The following BLNK variants were observed in gnomAD, a reference collection of about 807,000 sequenced individuals.
BLNK encodes B cell linker.
BLNK carries 29 observed loss-of-function variants against 73.5 expected under a neutral mutation model. That is an observed-to-expected ratio of 0.39 (90% confidence interval 0.29 to 0.54). BLNK has a LOEUF of 0.54. BLNK is among the 20% of genes least tolerant of loss of function. The pLI is 0.61. For missense variants in BLNK, 460 were observed against 562.8 expected, an observed-to-expected ratio of 0.82 and a Z score of 1.85; for synonymous variants, 176 against 200.8, an observed-to-expected ratio of 0.88 and a Z score of 1.04.
At chr10:96,193,692 G>T (rs1047347426) in intron 16 of BLNK, among the ~76,000 whole-genome samples, 1 of 152,092 alleles carries the variant, frequency 6.6e-6, no homozygotes, top group Non-Finnish European at 1.5e-5. Context: ...GAAAAACAAC[G>T]TATTGGCCAC....
At chr10:96,214,586 GGAGGCTCTACGCATT>G (rs1554899432) in intron 8 of BLNK, among the ~76,000 whole-genome samples, 1 of 152,156 alleles carries the variant, frequency 6.6e-6, no homozygotes, top group Non-Finnish European at 1.5e-5. Context: ...CATGTGGCCT[GGAGGCTCTACGCATT>G]GAGAAACAGG....
chr10:96,260,264 C>T (rs942401714), intron 1 of BLNK, among the ~76,000 whole-genome samples: 2 of 152,164 alleles, frequency 1.3e-5, no homozygotes, highest in Non-Finnish European at 2.9e-5. Flanking sequence ...GTCATTTAGT[C>T]CCTTCACTGT....
chr10:96,237,486 T>C (rs1842735525), intron 3 of BLNK, among the ~76,000 whole-genome samples: 1 of 152,060 alleles, frequency 6.6e-6, no homozygotes, highest in Non-Finnish European at 1.5e-5. Flanking sequence ...GCCCTGGACA[T>C]CAGAGCCCAA....
At position 96,189,764 on chromosome 10, in the gene BLNK, T is replaced by G. The variant is rs1384107948; in HGVS notation, c.*2209A>C. ...TCAGCAGCAAGTTTTACTTTTATTC[T>G]CTGGAATCTTGCTACCACCTCCAGG... On this transcript the variant is annotated 3_prime_UTR_variant, in exon 17 of 17. Coordinates refer to ENST00000224337, the MANE Select transcript of BLNK (RefSeq NM_013314.4). 1.8e-5 allele frequency: 14 copies of G among 784,290 alleles called. No homozygotes were observed. Among genetic ancestry groups the G allele is most frequent in the Non-Finnish European group, 2.9e-5 (13 of 445,418 alleles). 48.6% of individuals were successfully genotyped at this position (784,290 alleles called of 1,614,324 possible).
At chr10:96,236,572 A>G (rs1261105257) in intron 3 of BLNK, among the ~76,000 whole-genome samples, 5 of 152,182 alleles carry the variant, frequency 3.3e-5, no homozygotes, top group Non-Finnish European at 5.9e-5. Flanking sequence ...CTGTAATCCC[A>G]GCACTTTGGG....
At chr10:96,212,730 C>A (rs2083977634) in intron 8 of BLNK, among the ~76,000 whole-genome samples, 1 of 152,220 alleles carries the variant, frequency 6.6e-6, no homozygotes. Context: ...ACCAACTAGG[C>A]ACCTGATGGA....
rs1327563582 is a variant in BLNK at position 96,190,091 on chromosome 10, A to G, written c.*1882T>C. Reference sequence around the variant, plus strand: ...CCAGCCCCTAAACTGACCGTTCTTAAGGATAACTGGTGCTCATTTTCATCA... The same window carrying G: ...CCAGCCCCTAAACTGACCGTTCTTAGGGATAACTGGTGCTCATTTTCATCA... On this transcript the variant is annotated 3_prime_UTR_variant, in exon 17 of 17. Transcript: ENST00000224337. 1.4e-5 allele frequency: 13 copies of G among 911,774 alleles called. No individual in the cohort carries two copies. The highest frequency in any genetic ancestry group is 2.2e-5 in the Non-Finnish European group (12 of 554,946). 56.5% of individuals were successfully genotyped at this position (911,774 alleles called of 1,614,324 possible). A position where few individuals can be genotyped will look rare whatever the true frequency, so the allele number is the denominator to read the frequency against.
intron 16 of BLNK, among the ~76,000 whole-genome samples, chr10:96,192,394 G>A (rs1208955738): frequency 3.3e-5 from 5 of 152,120 alleles, no homozygotes; most frequent in Non-Finnish European, 7.4e-5. Flanking sequence ...ACCGTTAAAT[G>A]TAAAACTATC....
intron 3 of BLNK, among the ~76,000 whole-genome samples, chr10:96,236,411 G>A (rs868927388): frequency 3.9e-5 from 6 of 152,212 alleles, no homozygotes; most frequent in African/African-American, 1.2e-4. Flanking sequence ...GGAGGCGGTG[G>A]GTGGCCAGTC....
intron 15 of BLNK, chr10:96,199,369 G>T: frequency 3.3e-5 from 9 of 273,064 alleles, no homozygotes; most frequent in Admixed American, 1.2e-4. Context: ...TTGTTTGTTT[G>T]TTTGTTTGCC....
chr10:96,260,043 T>C (rs1275904854), intron 1 of BLNK, among the ~76,000 whole-genome samples: 1 of 152,184 alleles, frequency 6.6e-6, no homozygotes, highest in Non-Finnish European at 1.5e-5. Context: ...CCTTGGGGCC[T>C]CCAGGAATAC....
At position 96,189,810 on chromosome 10, in the gene BLNK, T is replaced by C. The variant is rs1355981135; in HGVS notation, c.*2163A>G. 1 of 1,120,334 alleles carries C rather than the reference T, an allele frequency of 8.9e-7. No individual in the cohort carries two copies. Among genetic ancestry groups the C allele is most frequent in the Admixed American group, 1.7e-5 (1 of 58,454 alleles). 69.4% of individuals were successfully genotyped at this position (1,120,334 alleles called of 1,614,324 possible). A position where few individuals can be genotyped will look rare whatever the true frequency, so the allele number is the denominator to read the frequency against. ...CCAGGGACAGATCACTTTCCAGATA[T>C]CCTTAAGAGTTTCACATCCTCCTCC... On this transcript the variant is annotated 3_prime_UTR_variant, in exon 17 of 17. Transcript: ENST00000224337.
chr10:96,224,063 C>T, intron 5 of BLNK, 74 bp from the exon 6 acceptor site: 1 of 1,569,624 alleles, frequency 6.4e-7, no homozygotes, highest in Non-Finnish European at 8.7e-7. Flanking sequence ...CCATTGAGAT[C>T]CAGAAAGTAT....
chr10:96,227,644 G>C (rs907618411), intron 4 of BLNK, 78 bp from the exon 5 acceptor site: 3 of 1,603,058 alleles, frequency 1.9e-6, no homozygotes, highest in Non-Finnish European at 2.6e-6. Flanking sequence ...CCTGCCTTGG[G>C]AGGCCAGAGC....
chr10:96,267,149 A>G lies in BLNK; in HGVS notation c.47+4203T>C, dbSNP rs544564703. Among the ~76,000 whole-genome samples, 19 of 152,346 alleles carry G rather than the reference A, an allele frequency of 1.2e-4. No homozygotes were observed. The South Asian group carries it at 3.7e-3, about 30-fold the overall frequency. Reference sequence around the variant, plus strand: ...AGCCTTTGAGAATGTAACATATGTCAAATGTGGTCTCTGTGCTTAAAGGAT... The same window carrying G: ...AGCCTTTGAGAATGTAACATATGTCGAATGTGGTCTCTGTGCTTAAAGGAT... On this transcript the variant is annotated intron_variant, in intron 1 of 16. Coordinates refer to ENST00000224337, the MANE Select transcript of BLNK (RefSeq NM_013314.4).
chr10:96,264,667 G>A (rs1554913792), intron 1 of BLNK, among the ~76,000 whole-genome samples: 1 of 152,108 alleles, frequency 6.6e-6, no homozygotes, highest in Non-Finnish European at 1.5e-5. Context: ...AACCCTTAAA[G>A]CCTACCCATC....
chr10:96,209,734 C>T (rs2083903712), intron 9 of BLNK, 104 bp downstream of exon 9: 5 of 1,398,044 alleles, frequency 3.6e-6, no homozygotes, highest in Non-Finnish European at 4.1e-6. Flanking sequence ...GTCCAAGTTG[C>T]AGCCTGCCAT....
At chr10:96,258,809 C>A (rs1564851670) in intron 1 of BLNK, among the ~76,000 whole-genome samples, 1 of 152,192 alleles carries the variant, frequency 6.6e-6, no homozygotes, top group Non-Finnish European at 1.5e-5. Context: ...ATCTCATTAA[C>A]CCTCACAACT....
At chr10:96,250,218 G>A (rs564849497) in intron 1 of BLNK, among the ~76,000 whole-genome samples, 1 of 152,164 alleles carries the variant, frequency 6.6e-6, no homozygotes, top group Admixed American at 6.5e-5. Context: ...GACACACAGA[G>A]GGTCCCTCAG....
Sources: gnomAD v4.1 joint callset for allele counts (sites outside exome capture counted in the v4.1 genomes callset) on GRCh38, gnomAD v4.1.1 for gene constraint, MANE v1.5 for transcripts, NCBI Gene and HGNC (gene_info 2026-07-23, HGNC 2026-07-21) for gene names.